The following PDE8A variants were observed in gnomAD, a reference collection of about 807,000 sequenced individuals.
The protein encoded by PDE8A is phosphodiesterase 8A, also known as high affinity cAMP-specific and IBMX-insensitive 3',5'-cyclic phosphodiesterase 8A.
In PDE8A, 59 loss-of-function variants were observed where a neutral mutation model predicts 105.0. The observed-to-expected ratio is 0.56, with a 90% CI of 0.46 to 0.70. PDE8A has a LOEUF of 0.70. Ranked by LOEUF, PDE8A falls within the 30% of genes least tolerant of loss-of-function variation. PDE8A has a pLI of 0.00. For synonymous variants in PDE8A, 355 were observed against 371.9 expected (o/e 0.95, Z 0.52); for missense variants, 1,014 against 1,045.9 (o/e 0.97, Z 0.42).
chr15:85,122,655 G>C (rs2082199531), intron 18 of PDE8A, among the ~76,000 whole-genome samples: 1 of 152,128 alleles, frequency 6.6e-6, no homozygotes, highest in Admixed American at 6.5e-5. Flanking sequence ...TAAAATAAAA[G>C]CAAGGGTTAG....
intron 1 of PDE8A, among the ~76,000 whole-genome samples, chr15:85,023,896 A>T (rs891149310): frequency 2.0e-5 from 3 of 152,288 alleles, no homozygotes; most frequent in Non-Finnish European, 4.4e-5. Flanking sequence ...CACACTTAAA[A>T]GATGGCATTT....
chr15:85,134,694 C>T (rs1218683219), intron 20 of PDE8A, among the ~76,000 whole-genome samples: 4 of 152,232 alleles, frequency 2.6e-5, no homozygotes, highest in African/African-American at 9.6e-5. Flanking sequence ...CTAGCATACA[C>T]GCACCTCTGG....
At chr15:85,049,404 T>C (rs977047274) in intron 1 of PDE8A, among the ~76,000 whole-genome samples, 3 of 152,212 alleles carry the variant, frequency 2.0e-5, no homozygotes, top group Non-Finnish European at 2.9e-5. Context: ...TCTATATATT[T>C]TGACTACTCC....
intron 1 of PDE8A, among the ~76,000 whole-genome samples, chr15:84,998,889 T>C (rs545191816): frequency 1.3e-5 from 2 of 152,342 alleles, no homozygotes; most frequent in East Asian, 3.9e-4. Flanking sequence ...ATGGAGATAA[T>C]TGATAGTTGA....
upstream of PDE8A, among the ~76,000 whole-genome samples, chr15:84,981,501 T>C (rs1255404770): frequency 2.0e-5 from 3 of 152,046 alleles, no homozygotes; most frequent in African/African-American, 4.8e-5. Flanking sequence ...CTCCCTACCC[T>C]GGCGGACGTG....
At position 85,138,167 on chromosome 15, in the gene PDE8A, T is replaced by G. The variant is rs1033269217; in HGVS notation, c.*264T>G. The stretch of plus-strand genomic sequence containing the variant: ...ATGAGGACCACGGTTTGCCTCAGTT[T>G]CTGGTAAAACACAAGGTCTGGAGTG... On this transcript the variant is annotated 3_prime_UTR_variant, in exon 22 of 22. Coordinates refer to ENST00000394553, the MANE Select transcript of PDE8A (RefSeq NM_002605.3). 2.7e-6 allele frequency: 1 copy of G among 374,450 alleles called. No homozygotes were observed. Among genetic ancestry groups the G allele is most frequent in the Non-Finnish European group, 4.9e-6 (1 of 205,754 alleles). 23.2% of individuals were successfully genotyped at this position (374,450 alleles called of 1,614,324 possible).
chr15:84,987,412 A>G (rs1232876490), intron 1 of PDE8A, among the ~76,000 whole-genome samples: 1 of 148,132 alleles, frequency 6.8e-6, no homozygotes, highest in Non-Finnish European at 1.5e-5. Flanking sequence ...GTTTCCTGTG[A>G]AGTGGCTTAT....
At position 85,123,081 on chromosome 15, in the gene PDE8A, G is replaced by T; in HGVS notation, c.1973G>T (p.Arg658Leu). 2 of 1,614,036 alleles carry T rather than the reference G, an allele frequency of 1.2e-6. No individual in the cohort carries two copies. Among genetic ancestry groups the T allele is most frequent in the Non-Finnish European group, 1.7e-6 (2 of 1,179,962 alleles). The change falls in exon 19 of 22, where the codon CGC (arginine) becomes CTC (leucine). Residue 658 changes from arginine to leucine, a missense_variant. Arg to Leu is a moderately radical substitution (Grantham distance 102). Transcript: ENST00000394553. ...AACAGGAATGATTATCGGACACTGC[G>T]CCAGGGGATTATCGACATGGTCTTA... Reference protein sequence around the residue: ...NMERNDYRTLRQGIIDMVLAT... With the variant: ...NMERNDYRTLLQGIIDMVLAT...
At chr15:85,043,659 G>C (rs1449227008) in intron 1 of PDE8A, among the ~76,000 whole-genome samples, 1 of 150,040 alleles carries the variant, frequency 6.7e-6, no homozygotes, top group African/African-American at 2.5e-5. Context: ...AGTATTTCAA[G>C]GTATCATGAA....
chr15:85,025,220 C>T (rs1482046359), intron 1 of PDE8A, among the ~76,000 whole-genome samples: 2 of 152,154 alleles, frequency 1.3e-5, no homozygotes, highest in Non-Finnish European at 2.9e-5. Flanking sequence ...GAGGCTCCCC[C>T]AACCCTTACT....
intron 1 of PDE8A, among the ~76,000 whole-genome samples, chr15:84,990,385 TC>T (rs2079868423): frequency 6.6e-6 from 1 of 152,188 alleles, no homozygotes; most frequent in Non-Finnish European, 1.5e-5. Context: ...GTGCTCCCTT[TC>T]CATTCTTACC....
chr15:85,069,391 C>T (rs2081279221), intron 3 of PDE8A, among the ~76,000 whole-genome samples: 1 of 152,164 alleles, frequency 6.6e-6, no homozygotes, highest in Admixed American at 6.5e-5. Flanking sequence ...TATATTGAAC[C>T]CAACTTTGTC....
intron 1 of PDE8A, among the ~76,000 whole-genome samples, chr15:85,051,223 T>C (rs897575327): frequency 3.9e-5 from 6 of 152,318 alleles, no homozygotes; most frequent in South Asian, 2.1e-4. Flanking sequence ...GTGGAATCTT[T>C]AGGGTTTTCT....
intron 17 of PDE8A, among the ~76,000 whole-genome samples, chr15:85,118,986 C>A (rs1333889307): frequency 1.3e-5 from 2 of 152,078 alleles, no homozygotes; most frequent in Admixed American, 6.5e-5. Flanking sequence ...CAGAAAAAAT[C>A]AAATCAGACT....
intron 9 of PDE8A, among the ~76,000 whole-genome samples, chr15:85,098,301 A>G (rs1025422936): frequency 3.9e-5 from 6 of 152,264 alleles, no homozygotes; most frequent in Non-Finnish European, 7.3e-5. Context: ...TGTTTAAGTC[A>G]GAATGTCACT....
chr15:85,109,080 G>A lies in PDE8A; in HGVS notation c.1064G>A (p.Arg355Lys). Residue 355 changes from arginine (R) to lysine (K), a missense_variant, in exon 12 of 22, where the codon AGG becomes AAG. By Grantham distance (26) the Arg-to-Lys change is conservative. Transcript: ENST00000394553. ...AATCAGACAGGCAAACATAAAGACA[G>A]GAGAAAAGGCTCACTAGACGTCAAA... Reference protein sequence around the residue: ...TDNQTGKHKDRRKGSLDVKAV... With the variant: ...TDNQTGKHKDKRKGSLDVKAV... 6.2e-7 allele frequency: 1 copy of A among 1,610,854 alleles called. No individual in the cohort carries two copies.
At chr15:85,021,192 AG>A (rs1269691477) in intron 1 of PDE8A, among the ~76,000 whole-genome samples, 1 of 152,202 alleles carries the variant, frequency 6.6e-6, no homozygotes, top group Non-Finnish European at 1.5e-5. Flanking sequence ...GGCCCTCACC[AG>A]ACACTGATCT....
At chr15:84,996,823 C>CAAAAAAAAA (rs34363361) in intron 1 of PDE8A, among the ~76,000 whole-genome samples, 2 of 53,824 alleles carry the variant, frequency 3.7e-5, no homozygotes, top group African/African-American at 1.1e-4. Context: ...AAGACTCTCT[C>CAAAAAAAAA]AAAAAAAAAA....
At chr15:85,109,160 T>C in intron 12 of PDE8A, 30 bp downstream of exon 12, 1 of 1,488,812 alleles carries the variant, frequency 6.7e-7, no homozygotes, top group East Asian at 2.3e-5. Flanking sequence ...GAAAAAAATG[T>C]GATCAAATCA....
Sources: allele counts gnomAD v4.1 joint callset (sites outside exome capture counted in the v4.1 genomes callset), GRCh38; gene constraint gnomAD v4.1.1; transcripts MANE v1.5; gene names NCBI Gene and HGNC (gene_info 2026-07-23, HGNC 2026-07-21).